KCNH7: variants seen among roughly 807,000 people sequenced by gnomAD.
KCNH7 encodes voltage-gated inwardly rectifying potassium channel KCNH7.
In KCNH7, 49 loss-of-function variants were observed where a neutral mutation model predicts 120.8. That is an observed-to-expected ratio of 0.41 (90% CI 0.32 to 0.51). KCNH7 has a LOEUF of 0.51. Ranked by LOEUF, KCNH7 falls within the 20% of genes least tolerant of loss-of-function variation. The probability of loss-of-function intolerance (pLI) is 0.38; values close to 1 mark genes in which losing one functional copy is unlikely to be tolerated. For missense variants in KCNH7, 1,097 were observed against 1,446.6 expected (o/e 0.76, Z 3.92); for synonymous variants, 547 against 516.1 (o/e 1.06, Z -0.81).
At chr2:162,516,510 T>A (rs1329819613) in intron 4 of KCNH7, among the ~76,000 whole-genome samples, 1 of 150,830 alleles carries the variant, frequency 6.6e-6, no homozygotes, top group Non-Finnish European at 1.5e-5. Flanking sequence ...GGGAGGGGAG[T>A]CTTGCTGGGG....
At chr2:162,647,584 G>A (rs561807219) in intron 2 of KCNH7, among the ~76,000 whole-genome samples, 4 of 152,058 alleles carry the variant, frequency 2.6e-5, no homozygotes, top group East Asian at 1.9e-4. Flanking sequence ...TACTGTTCTC[G>A]TGGTAGTAAA....
At chr2:162,459,955 G>A (rs146451279) in intron 6 of KCNH7, among the ~76,000 whole-genome samples, 3,314 of 152,030 alleles carry the variant, frequency 0.022, 95 homozygotes, top group East Asian at 0.081. Flanking sequence ...TTAGCTGGGC[G>A]TGGTGGCGCA....
At chr2:162,445,719 G>GT (rs1277147928) in intron 7 of KCNH7, among the ~76,000 whole-genome samples, 2 of 152,302 alleles carry the variant, frequency 1.3e-5, no homozygotes, top group East Asian at 3.9e-4. Flanking sequence ...CACCCGTGAA[G>GT]TTAATAAGTA....
intron 6 of KCNH7, among the ~76,000 whole-genome samples, chr2:162,479,625 C>T (rs2105675718): frequency 6.6e-6 from 1 of 151,256 alleles, no homozygotes; most frequent in South Asian, 2.1e-4. Context: ...AAGATAGAGG[C>T]AGATAAATTC....
intron 2 of KCNH7, among the ~76,000 whole-genome samples, chr2:162,782,290 G>GA (rs551398818): frequency 6.6e-6 from 1 of 152,064 alleles, no homozygotes; most frequent in African/African-American, 2.4e-5. Context: ...AAGGACAATG[G>GA]AAAAAAATAA....
intron 6 of KCNH7, among the ~76,000 whole-genome samples, chr2:162,496,135 C>A (rs1690489703): frequency 6.6e-6 from 1 of 152,128 alleles, no homozygotes; most frequent in South Asian, 2.1e-4. Flanking sequence ...GGAGCCCTAA[C>A]TGCCACTTTC....
intron 2 of KCNH7, among the ~76,000 whole-genome samples, chr2:162,800,906 G>A (rs1428397010): frequency 3.3e-5 from 5 of 151,822 alleles, no homozygotes; most frequent in Admixed American, 6.6e-5. Flanking sequence ...TCAAGGGGTA[G>A]TATTTAGAAA....
At chr2:162,823,905 T>TTTTTTTTTTTTGAG (rs1553535327) in intron 2 of KCNH7, among the ~76,000 whole-genome samples, 1 of 152,110 alleles carries the variant, frequency 6.6e-6, no homozygotes, top group Non-Finnish European at 1.5e-5. Context: ...AGTTATTTTT[T>TTTTTTTTTTTTGAG]AATTGCCATA....
At chr2:162,500,470 G>A (rs1690649427) in intron 6 of KCNH7, among the ~76,000 whole-genome samples, 1 of 151,464 alleles carries the variant, frequency 6.6e-6, no homozygotes, top group South Asian at 2.1e-4. Flanking sequence ...CATAGTCCCT[G>A]TGTTGAAGAA....
At chr2:162,382,390 A>G (rs1221231332) in intron 13 of KCNH7, among the ~76,000 whole-genome samples, 2 of 152,088 alleles carry the variant, frequency 1.3e-5, no homozygotes, top group African/African-American at 4.8e-5. Flanking sequence ...TCGTAATCAA[A>G]TGAACATCCT....
intron 2 of KCNH7, among the ~76,000 whole-genome samples, chr2:162,761,583 C>T (rs1283156816): frequency 6.6e-6 from 1 of 152,126 alleles, no homozygotes; most frequent in Admixed American, 6.6e-5. Context: ...CATTTAACAG[C>T]AACTCTATCA....
At chr2:162,644,614 C>T (rs1684287624) in intron 2 of KCNH7, among the ~76,000 whole-genome samples, 1 of 152,052 alleles carries the variant, frequency 6.6e-6, no homozygotes, top group Admixed American at 6.6e-5. Context: ...GAGATAATGG[C>T]CATTCATTTT....
At chr2:162,696,966 G>T (rs768637143) in intron 2 of KCNH7, among the ~76,000 whole-genome samples, 3 of 152,050 alleles carry the variant, frequency 2.0e-5, no homozygotes, top group Non-Finnish European at 2.9e-5. Flanking sequence ...TAAATGGAAA[G>T]AAATCAAATA....
At chr2:162,789,340 G>A (rs1683835852) in intron 2 of KCNH7, among the ~76,000 whole-genome samples, 1 of 151,916 alleles carries the variant, frequency 6.6e-6, no homozygotes, top group Non-Finnish European at 1.5e-5. Context: ...AATATCTATT[G>A]AAGCATCTAA....
In KCNH7 at chr2:162,468,935, C is replaced by T. The variant is rs552258681; in HGVS notation, c.1129-22492G>A. On this transcript the variant is annotated intron_variant, in intron 6 of 15. Transcript: ENST00000332142. Reference sequence around the variant, plus strand: ...GCATAATCATAGTTCACTGTAACCTCGAACTTCCAGGCCCAGGTGACCCTC... The same window carrying T: ...GCATAATCATAGTTCACTGTAACCTTGAACTTCCAGGCCCAGGTGACCCTC... Among the ~76,000 whole-genome samples, 25 of 151,998 alleles carry T rather than the reference C, an allele frequency of 1.6e-4. No individual in the cohort carries two copies. In the East Asian group the frequency reaches 2.7e-3, roughly 16 times the overall value.
chr2:162,581,247 G>T (rs1321926697), intron 2 of KCNH7, among the ~76,000 whole-genome samples: 1 of 152,034 alleles, frequency 6.6e-6, no homozygotes, highest in African/African-American at 2.4e-5. Context: ...TAGGCAGATA[G>T]ACCCAAATTT....
intron 2 of KCNH7, among the ~76,000 whole-genome samples, chr2:162,636,970 C>A (rs373952523): frequency 1.3e-5 from 2 of 152,084 alleles, no homozygotes; most frequent in South Asian, 2.1e-4. Context: ...CCCTCCCCAC[C>A]ATTCTTTCAA....
At chr2:162,753,753 C>T (rs1455340994) in intron 2 of KCNH7, among the ~76,000 whole-genome samples, 1 of 152,050 alleles carries the variant, frequency 6.6e-6, no homozygotes, top group African/African-American at 2.4e-5. Context: ...CCCTTCTTTG[C>T]TGTAAGATTT....
chr2:162,385,900 A>G (rs529383825), intron 12 of KCNH7, among the ~76,000 whole-genome samples: 1 of 151,914 alleles, frequency 6.6e-6, no homozygotes, highest in Non-Finnish European at 1.5e-5. Context: ...ATGGCATAGA[A>G]ATTCAACAAA....
Sources: gnomAD v4.1 joint callset for allele counts (sites outside exome capture counted in the v4.1 genomes callset) on GRCh38, gnomAD v4.1.1 for gene constraint, MANE v1.5 for transcripts, NCBI Gene and HGNC (gene_info 2026-07-23, HGNC 2026-07-21) for gene names.